AASS: variants seen among roughly 807,000 people sequenced by gnomAD.
AASS encodes aminoadipate-semialdehyde synthase, also known as alpha-aminoadipic semialdehyde synthase, mitochondrial.
AASS carries 86 observed loss-of-function variants against 105.4 expected under a neutral mutation model. That is an observed-to-expected ratio of 0.82 (90% CI 0.69 to 0.98). AASS has a LOEUF of 0.98. Ranked by LOEUF, AASS falls within the 50% of genes least tolerant of loss-of-function variation. The probability of loss-of-function intolerance (pLI) is 0.00; values close to 1 mark genes in which losing one functional copy is unlikely to be tolerated. For missense variants in AASS, 1,048 were observed against 1,143.2 expected, an observed-to-expected ratio of 0.92 and a Z score of 1.20; for synonymous variants, 381 against 394.8, an observed-to-expected ratio of 0.96 and a Z score of 0.41.
At position 122,086,165 on chromosome 7, in the gene AASS, T is replaced by C; in HGVS notation, c.2031A>G (p.Ala677=). 6.2e-7 allele frequency: 1 copy of C among 1,613,322 alleles called. No homozygotes were observed. The highest frequency in any genetic ancestry group is 8.5e-7 in the Non-Finnish European group (1 of 1,179,706). The change falls in exon 19 of 24, where the codon GCA becomes GCG. Residue 677 remains alanine, a synonymous_variant. Transcript: ENST00000417368. ...YLLDGKVVNV[A]GGISFLDAVT... is the part of the protein sequence containing the mutation. Reference sequence around the variant, plus strand: ...CGGCATCAAGAAAGGAGATGCCTCCTGCAACATTCACAACCTGAGGAACAT... The same window carrying C: ...CGGCATCAAGAAAGGAGATGCCTCCCGCAACATTCACAACCTGAGGAACAT...
chr7:122,113,309 A>C lies in AASS; in HGVS notation c.1167-80T>G, dbSNP rs545896654. On this transcript the variant is annotated intron_variant, in intron 10 of 23. Transcript: ENST00000417368. ...GACTTTTCCAGATGTCTACTCCACTATATTTGCTTCATTATCATTTGTAAT... is the reference window on the plus strand; with the variant it reads ...GACTTTTCCAGATGTCTACTCCACTCTATTTGCTTCATTATCATTTGTAAT... The C allele has an allele frequency of 1.1e-5, 14 of 1,247,760 alleles. No individual in the cohort carries two copies. The African/African-American group carries it at 2.1e-4, about 19-fold the overall frequency. 77.3% of individuals were successfully genotyped at this position (1,247,760 alleles called of 1,614,324 possible). A position where few individuals can be genotyped will look rare whatever the true frequency, so the allele number is the denominator to read the frequency against.
At chr7:122,123,983 C>T (rs1489290221) in intron 4 of AASS, among the ~76,000 whole-genome samples, 2 of 152,148 alleles carry the variant, frequency 1.3e-5, no homozygotes, top group African/African-American at 4.8e-5. Context: ...TCTCCCTCAC[C>T]CCCTCACTCC....
In AASS at chr7:122,139,948, TCAAACAAACAAACAAA is replaced by T. The variant is rs10593110; in HGVS notation, c.-16+4197_-16+4212del. On this transcript the variant is annotated intron_variant, in intron 1 of 23. Coordinates refer to ENST00000417368, the MANE Select transcript of AASS (RefSeq NM_005763.4). ...ACCTGGACAACAAAGTGAGACTGTC[TCAAACAAACAAACAAA>T]CAAACAAACAAACAAATGATGTATT... Among the ~76,000 whole-genome samples the T allele has an allele frequency of 2.6e-4, 39 of 150,410 alleles. No homozygotes were observed. The East Asian group carries it at 7.4e-3, about 29-fold the overall frequency.
intron 23 of AASS, 84 bp downstream of exon 23, chr7:122,077,754 C>A: frequency 6.5e-7 from 1 of 1,526,876 alleles, no homozygotes; most frequent in Non-Finnish European, 9.1e-7. Context: ...GTGTTACGCT[C>A]AAGAGCAATT....
At chr7:122,121,658 T>C (rs1795444387) in intron 4 of AASS, among the ~76,000 whole-genome samples, 1 of 152,190 alleles carries the variant, frequency 6.6e-6, no homozygotes, top group South Asian at 2.1e-4. Flanking sequence ...ACTCCCAAAG[T>C]GAGCGACTGG....
chr7:122,077,022 T>C (rs1793047882), intron 23 of AASS, among the ~76,000 whole-genome samples: 1 of 152,186 alleles, frequency 6.6e-6, no homozygotes, highest in African/African-American at 2.4e-5. Flanking sequence ...AGGCACCTGT[T>C]AGTATGACTG....
chr7:122,090,482 G>A (rs1276218369), intron 18 of AASS, among the ~76,000 whole-genome samples: 1 of 152,130 alleles, frequency 6.6e-6, no homozygotes, highest in African/African-American at 2.4e-5. Flanking sequence ...GCTAATAACA[G>A]CATTCACCTT....
At chr7:122,079,276 G>A (rs377582799) in intron 21 of AASS, 72 of 1,344,486 alleles carry the variant, frequency 5.4e-5, no homozygotes, top group Admixed American at 1.2e-4. Context: ...ATGCCACAGC[G>A]GTCATATGAA....
intron 11 of AASS, among the ~76,000 whole-genome samples, chr7:122,106,603 A>C (rs753892877): frequency 1.3e-5 from 2 of 152,138 alleles, no homozygotes; most frequent in African/African-American, 4.8e-5. Flanking sequence ...ATAAGGCCAC[A>C]CATCTTCAAC....
Position 122,129,475 on chromosome 7 carries a change from T to C in AASS, c.273A>G (p.Gly91=), listed in dbSNP as rs1795808821. The change falls in exon 3 of 24, where the codon GGA becomes GGG. Residue 91 remains glycine (G), a synonymous_variant. Transcript: ENST00000417368. ...EDISEACLIL[G]VKRPPEEKLM... The stretch of plus-strand genomic sequence containing the variant: ...ATTTTTCCTCTGGAGGTCTTTTAAC[T>C]CCTAAAATTAGACAAGCTTCAGAAA... The C allele has an allele frequency of 3.7e-6, 6 of 1,613,532 alleles. No individual in the cohort carries two copies. Among genetic ancestry groups the C allele is most frequent in the Non-Finnish European group, 5.1e-6 (6 of 1,179,698 alleles).
At chr7:122,085,883 A>G in intron 19 of AASS, 129 bp downstream of exon 19, 1 of 1,000,120 alleles carries the variant, frequency 1.0e-6, no homozygotes, top group South Asian at 1.4e-5. Context: ...ATCAATCATA[A>G]GATTCCTGAA....
chr7:122,103,267 T>C (rs1431830071), intron 11 of AASS, among the ~76,000 whole-genome samples: 1 of 152,060 alleles, frequency 6.6e-6, no homozygotes, highest in African/African-American at 2.4e-5. Context: ...AGCAGATTTC[T>C]CAGTAGAAAT....
chr7:122,114,975 A>G (rs1015316897), intron 9 of AASS, 99 bp downstream of exon 9: 1 of 1,493,804 alleles, frequency 6.7e-7, no homozygotes, highest in Non-Finnish European at 9.3e-7. Context: ...GCAGAGAAGT[A>G]GTCATTAGAA....
At position 122,137,298 on chromosome 7, in the gene AASS, T is replaced by C. The variant is rs1267415623; in HGVS notation, c.-15-3557A>G. Among the ~76,000 whole-genome samples the C allele has an allele frequency of 2.0e-5, 3 of 152,214 alleles. No individual in the cohort carries two copies. The East Asian group carries it at 5.8e-4, about 29-fold the overall frequency. On this transcript the variant is annotated intron_variant, in intron 1 of 23. Coordinates refer to ENST00000417368, the MANE Select transcript of AASS (RefSeq NM_005763.4). ...TGCTTTTAAGCAGAAGCAGGATTCCTAGTTTAATGTTTAACACCTGGAATT... is the reference window on the plus strand; with the variant it reads ...TGCTTTTAAGCAGAAGCAGGATTCCCAGTTTAATGTTTAACACCTGGAATT...
At chr7:122,077,273 G>A (rs889734132) in intron 23 of AASS, among the ~76,000 whole-genome samples, 1 of 152,120 alleles carries the variant, frequency 6.6e-6, no homozygotes. Context: ...ATCTTCTAGG[G>A]AGAGTGGAGG....
chr7:122,122,220 G>A (rs1245294417), intron 4 of AASS, among the ~76,000 whole-genome samples: 1 of 151,936 alleles, frequency 6.6e-6, no homozygotes, highest in Non-Finnish European at 1.5e-5. Context: ...TTTTTATCAA[G>A]ATATGGGAAT....
In AASS at chr7:122,116,695, C is replaced by G; in HGVS notation, c.832G>C (p.Val278Leu). 2.5e-6 allele frequency: 4 copies of G among 1,614,144 alleles called. No homozygotes were observed. The highest frequency in any genetic ancestry group is 3.4e-6 in the Non-Finnish European group (4 of 1,179,996). ...TTGTCATACTCTGCAGGATCATACA[C>G]AGCATCTGTTTTCCTGACAAGATGA... ...HHHLVRKTDAVYDPAEYDKHP... is the reference protein window; with the variant it reads ...HHHLVRKTDALYDPAEYDKHP... The change falls in exon 8 of 24, where the codon GTG (valine) becomes CTG (leucine). Residue 278 changes from valine (V) to leucine (L), a missense_variant. Val to Leu is a conservative substitution (Grantham distance 32, BLOSUM62 1). Transcript: ENST00000417368.
At chr7:122,092,987 G>C in intron 16 of AASS, 36 bp from the exon 17 acceptor site, 4 of 1,611,392 alleles carry the variant, frequency 2.5e-6, no homozygotes, top group Non-Finnish European at 3.4e-6. Context: ...GGAAAACTTG[G>C]ATATAAAATA....
rs1421365675 is a variant in AASS, at chr7:122,117,106, T to A, written c.688-149A>T. ...ACTGCAACACAGAAATACAGATGAG[T>A]TGCTTACAACCAGCCTGCTAGCTAG... is the stretch of plus-strand genomic sequence containing the variant. On this transcript the variant is annotated intron_variant, in intron 6 of 23. Coordinates refer to ENST00000417368, the MANE Select transcript of AASS (RefSeq NM_005763.4). The A allele has an allele frequency of 1.6e-5, 12 of 741,164 alleles. No homozygotes were observed. The East Asian group carries it at 2.9e-4, about 18-fold the overall frequency. 45.9% of individuals were successfully genotyped at this position (741,164 alleles called of 1,614,324 possible).
Sources: gnomAD v4.1 joint callset for allele counts (sites outside exome capture counted in the v4.1 genomes callset) on GRCh38, gnomAD v4.1.1 for gene constraint, MANE v1.5 for transcripts, NCBI Gene and HGNC (gene_info 2026-07-23, HGNC 2026-07-21) for gene names.